HRG: variants seen among roughly 807,000 people sequenced by gnomAD.
The protein encoded by HRG is histidine rich glycoprotein.
HRG carries 26 observed loss-of-function variants against 29.5 expected under a neutral mutation model. The ratio of observed to expected loss-of-function variants is 0.88; its 90% CI spans 0.65 to 1.22. The LOEUF (loss-of-function observed/expected upper bound fraction) is 1.22. Among genes scored for constraint, HRG ranks in the 50% most tolerant of loss-of-function variants. The probability of loss-of-function intolerance (pLI) is 0.00; values close to 1 mark genes in which losing one functional copy is unlikely to be tolerated. For missense variants in HRG, 671 were observed against 654.5 expected (o/e 1.03, Z -0.28); for synonymous variants, 243 against 240.4 (o/e 1.01, Z -0.10).
At chr3:186,676,618 C>T (rs904333373) in intron 6 of HRG, among the ~76,000 whole-genome samples, 1 of 150,066 alleles carries the variant, frequency 6.7e-6, no homozygotes, top group African/African-American at 2.5e-5. Flanking sequence ...AATTAGGAGT[C>T]TGGGCAACAG....
chr3:186,675,306 T>TGAGAGAGAGA (rs1271203185), intron 6 of HRG, 116 bp downstream of exon 6: 4 of 465,150 alleles, frequency 8.6e-6, no homozygotes, highest in African/African-American at 4.9e-5. Context: ...TGTGTGTGTG[T>TGAGAGAGAGA]GTGAGAGAGA....
rs1387714573 is a variant in HRG at position 186,677,235 on chromosome 3, C to T, written c.930C>T (p.Pro310=). 6.2e-7 allele frequency: 1 copy of T among 1,614,052 alleles called. No individual in the cohort carries two copies. Among genetic ancestry groups the T allele is most frequent in the Non-Finnish European group, 8.5e-7 (1 of 1,179,996 alleles). ...PPDERDHSHG[P]PLPQGPPPLL... is the part of the protein sequence containing the mutation. ...ATGAAAGAGATCACTCACATGGACCCCCACTTCCACAAGGCCCTCCTCCAC... is the reference window on the plus strand; with the variant it reads ...ATGAAAGAGATCACTCACATGGACCTCCACTTCCACAAGGCCCTCCTCCAC... Residue 310 remains proline (P), a synonymous_variant, in exon 7 of 7, where the codon CCC becomes CCT. Transcript: ENST00000232003.
At chr3:186,666,278 C>T (rs886377315) in intron 1 of HRG, 64 bp downstream of exon 1, 13 of 1,526,472 alleles carry the variant, frequency 8.5e-6, no homozygotes, top group Middle Eastern at 2.2e-4. Context: ...TGTGACTCTA[C>T]CCCCTAGGCT....
intron 2 of HRG, among the ~76,000 whole-genome samples, chr3:186,669,287 C>T (rs959392374): frequency 5.3e-5 from 8 of 152,130 alleles, no homozygotes; most frequent in African/African-American, 1.7e-4. Flanking sequence ...AGCTGTGGGT[C>T]CTTGGGTAAA....
chr3:186,677,098 T>G lies in HRG; in HGVS notation c.793T>G (p.Trp265Gly), dbSNP rs745798416. 7 of 1,614,032 alleles carry G rather than the reference T, an allele frequency of 4.3e-6. 1 individual carries two copies. In the South Asian group the frequency reaches 6.6e-5, roughly 15 times the overall value. ...VPPHLGHPFHWGGHERSSTTK... is the reference protein window; with the variant it reads ...VPPHLGHPFHGGGHERSSTTK... Reference sequence around the variant, plus strand: ...GCCTCATTTGGGACATCCCTTCCACTGGGGTGGGCATGAGCGTTCTTCTAC... The same window carrying G: ...GCCTCATTTGGGACATCCCTTCCACGGGGGTGGGCATGAGCGTTCTTCTAC... Residue 265 changes from tryptophan (W) to glycine (G), a missense_variant, in exon 7 of 7, where the codon TGG (tryptophan) becomes GGG (glycine). Trp to Gly is a radical substitution (Grantham distance 184). Coordinates refer to ENST00000232003, the MANE Select transcript of HRG (RefSeq NM_000412.5).
At chr3:186,667,799 G>C (rs1377090659) in intron 1 of HRG, among the ~76,000 whole-genome samples, 3 of 152,040 alleles carry the variant, frequency 2.0e-5, no homozygotes, top group African/African-American at 7.2e-5. Context: ...CATCAGGTAG[G>C]AGCCAAGCCT....
Position 186,671,670 on chromosome 3 carries a change from T to G in HRG, c.439T>G (p.Phe147Val), listed in dbSNP as rs1331739397. The change falls in exon 4 of 7, where the codon TTC (phenylalanine) becomes GTC (valine). Residue 147 changes from phenylalanine (F) to valine (V), a missense_variant. Phe to Val is a conservative substitution (Grantham distance 50). Coordinates refer to ENST00000232003, the MANE Select transcript of HRG (RefSeq NM_000412.5). ...NTKDSPVLID[F>V]FEDTERYRKQ... ...CAAAGATAGTCCGGTCCTCATAGAT[T>G]TCTTTGAGGATACTGAGCGCTACAG... is the stretch of plus-strand genomic sequence containing the variant. The G allele has an allele frequency of 1.2e-6, 2 of 1,613,936 alleles. No individual in the cohort carries two copies. Among genetic ancestry groups the G allele is most frequent in the Admixed American group, 3.3e-5 (2 of 60,024 alleles).
Position 186,677,561 on chromosome 3 carries a change from C to T in HRG, c.1256C>T (p.Pro419Leu), listed in dbSNP as rs781639533. 37 of 1,613,762 alleles carry T rather than the reference C, an allele frequency of 2.3e-5. No homozygotes were observed. In the East Asian group the frequency reaches 7.6e-4, roughly 33 times the overall value. The change falls in exon 7 of 7, where the codon CCA (proline) becomes CTA (leucine). Residue 419 changes from proline (P) to leucine (L), a missense_variant. Transcript: ENST00000232003. Reference protein sequence around the residue: ...HDFQDYGPCDPPPHNQGHCCH... With the variant: ...HDFQDYGPCDLPPHNQGHCCH... ...TTCCAAGACTATGGACCTTGTGACC[C>T]ACCACCCCATAACCAAGGTCACTGT... is the stretch of plus-strand genomic sequence containing the variant.
rs199501331 is a variant in HRG at position 186,671,767 on chromosome 3, G to A, written c.536G>A (p.Arg179Gln). The change falls in exon 4 of 7, where the codon CGA (arginine) becomes CAA (glutamine). Residue 179 changes from arginine to glutamine, a missense_variant. By Grantham distance (43) the Arg-to-Gln change is conservative. Coordinates refer to ENST00000232003, the MANE Select transcript of HRG (RefSeq NM_000412.5). Reference protein sequence around the residue: ...NDDFASFRVDRIERVARVRGG... With the variant: ...NDDFASFRVDQIERVARVRGG... ...GACTTTGCCTCTTTCAGAGTGGACC[G>A]AATCGAGAGAGTTGCAAGAGTGGTG... 26 of 1,613,864 alleles carry A rather than the reference G, an allele frequency of 1.6e-5. No individual in the cohort carries two copies. The highest frequency in any genetic ancestry group is 1.7e-4 in the Middle Eastern group (1 of 6,060).
At chr3:186,675,712 T>C (rs1021735009) in intron 6 of HRG, among the ~76,000 whole-genome samples, 10 of 152,048 alleles carry the variant, frequency 6.6e-5, no homozygotes, top group African/African-American at 2.4e-4. Flanking sequence ...GTCTCAGAAA[T>C]CTTTGGTCTA....
intron 5 of HRG, chr3:186,673,270 A>AT (rs1553785237): frequency 3.3e-6 from 1 of 299,086 alleles, no homozygotes; most frequent in Non-Finnish European, 6.5e-6. Flanking sequence ...CGCCCAGCTA[A>AT]TTTTTGTATT....
In HRG at chr3:186,677,364, G is replaced by T. The variant is rs1435331087; in HGVS notation, c.1059G>T (p.Lys353Asn). 1 of 1,613,756 alleles carries T rather than the reference G, an allele frequency of 6.2e-7. No individual in the cohort carries two copies. Among genetic ancestry groups the T allele is most frequent in the African/African-American group, 1.3e-5 (1 of 74,924 alleles). ...ATTCCAGTGACCTCCATCCCCATAA[G>T]CATCATTCCCATGAACAGCATCCCC... Reference protein sequence around the residue: ...NNNSSDLHPHKHHSHEQHPHG... With the variant: ...NNNSSDLHPHNHHSHEQHPHG... Residue 353 changes from lysine (K) to asparagine (N), a missense_variant, in exon 7 of 7, where the codon AAG (lysine) becomes AAT (asparagine). By Grantham distance (94) the Lys-to-Asn change is moderately conservative. Coordinates refer to ENST00000232003, the MANE Select transcript of HRG (RefSeq NM_000412.5).
rs1288249757 is a variant in HRG, at chr3:186,678,084, T to C, written c.*201T>C. ...GAAAGAACTCAGTGCTGCCTATTAG[T>C]AGTTAATTCTGTCACTCACCACTAC... On this transcript the variant is annotated 3_prime_UTR_variant, in exon 7 of 7. Transcript: ENST00000232003. 1.8e-6 allele frequency: 1 copy of C among 568,656 alleles called. No individual in the cohort carries two copies. The highest frequency in any genetic ancestry group is 3.1e-6 in the Non-Finnish European group (1 of 320,874). The allele number at this position is 568,656 out of a possible 1,614,324, so 35.2% of individuals were successfully genotyped here. A position where few individuals can be genotyped will look rare whatever the true frequency, so the allele number is the denominator to read the frequency against.
chr3:186,671,976 C>CT (rs10706995), intron 4 of HRG, among the ~76,000 whole-genome samples, 187 bp downstream of exon 4: 131 of 149,368 alleles, frequency 8.8e-4, no homozygotes, highest in African/African-American at 3.2e-3. Context: ...TCCTCAAACA[C>CT]TTTTTTTTTT....
At position 186,672,856 on chromosome 3, in the gene HRG, A is replaced by T; in HGVS notation, c.628A>T (p.Arg210Ter). 1 of 1,606,244 alleles carries T rather than the reference A, an allele frequency of 6.2e-7. No homozygotes were observed. Among genetic ancestry groups the T allele is most frequent in the East Asian group, 2.2e-5 (1 of 44,838 alleles). Residue 210 changes from arginine (R) to a stop codon, truncating the protein, a stop_gained, in exon 5 of 7, where the codon AGA (arginine) becomes TGA (stop). Coordinates refer to ENST00000232003, the MANE Select transcript of HRG (RefSeq NM_000412.5). LOFTEE classifies it high-confidence loss of function. ...VRNCPRHHFP[R>*]HPNVFGFCRA... is the part of the protein sequence containing the mutation. ...GAACTGCCCCAGACACCATTTCCCC[A>T]GACACCCCAATGTGAGTATAAGAAA...
intron 6 of HRG, 112 bp downstream of exon 6, chr3:186,675,302 TGTGTGTGA>T (rs796521613): frequency 0.051 from 28,963 of 569,324 alleles, 664 homozygotes; most frequent in African/African-American, 0.15. Flanking sequence ...TGTGTGTGTG[TGTGTGTGA>T]GAGAGAGAGA....
chr3:186,671,394 G>T (rs1718785892), intron 3 of HRG, among the ~76,000 whole-genome samples: 1 of 151,256 alleles, frequency 6.6e-6, no homozygotes, highest in Non-Finnish European at 1.5e-5. Flanking sequence ...ACTGGTGAAG[G>T]CATCATGAGT....
chr3:186,675,667 A>G (rs1382699974), intron 6 of HRG, among the ~76,000 whole-genome samples: 1 of 152,166 alleles, frequency 6.6e-6, no homozygotes, highest in Non-Finnish European at 1.5e-5. Context: ...ATGTAAATGT[A>G]TATAAAATAA....
intron 6 of HRG, 46 bp downstream of exon 6, chr3:186,675,236 G>A (rs1449128172): frequency 2.6e-6 from 3 of 1,170,464 alleles, no homozygotes; most frequent in Non-Finnish European, 3.9e-6. Context: ...CAGATTAAGT[G>A]ACATACGTAC....
Sources: gnomAD v4.1 joint callset for allele counts (sites outside exome capture counted in the v4.1 genomes callset) on GRCh38, gnomAD v4.1.1 for gene constraint, MANE v1.5 for transcripts, NCBI Gene and HGNC (gene_info 2026-07-23, HGNC 2026-07-21) for gene names.